Variants in NEK1 observed in about 807,000 individuals in gnomAD.
NEK1 encodes the protein serine/threonine-protein kinase Nek1.
A neutral mutation model predicts 182.1 loss-of-function variants in NEK1; 137 were observed. That is an observed-to-expected ratio of 0.75 (90% CI 0.65 to 0.87). The LOEUF (loss-of-function observed/expected upper bound fraction) is 0.87. NEK1 is among the 40% of genes least tolerant of loss of function. The pLI, the probability that NEK1 is intolerant of heterozygous loss-of-function variation, is 0.00. For synonymous variants in NEK1, 513 were observed against 492.2 expected, an observed-to-expected ratio of 1.04 and a Z score of -0.56; for missense variants, 1,391 against 1,494.4, an observed-to-expected ratio of 0.93 and a Z score of 1.14.
At chr4:169,434,296 T>C (rs1350144654) in intron 28 of NEK1, among the ~76,000 whole-genome samples, 1 of 141,842 alleles carries the variant, frequency 7.1e-6, no homozygotes, top group Non-Finnish European at 1.5e-5. Flanking sequence ...CACTACAACC[T>C]ACACCTCCCG....
chr4:169,451,314 C>T (rs56745507), intron 27 of NEK1, among the ~76,000 whole-genome samples: 14,739 of 152,198 alleles, frequency 0.097, 792 homozygotes, highest in East Asian at 0.17. Context: ...ACTCTCCACC[C>T]CAAATCAACA....
chr4:169,585,599 C>A, intron 9 of NEK1, 50 bp from the exon 10 acceptor site: 1 of 1,182,410 alleles, frequency 8.5e-7, no homozygotes, highest in East Asian at 2.4e-5. Flanking sequence ...TAAATTGAAA[C>A]TGAGAATATC....
At chr4:169,597,102 C>T (rs1333070266) in intron 5 of NEK1, among the ~76,000 whole-genome samples, 3 of 151,844 alleles carry the variant, frequency 2.0e-5, no homozygotes, top group African/African-American at 4.8e-5. Context: ...TTTTAAAGTT[C>T]GATAGGGATA....
chr4:169,537,840 A>C lies in NEK1; in HGVS notation c.1634T>G (p.Met545Arg), dbSNP rs760674667. The C allele has an allele frequency of 2.5e-6, 4 of 1,612,816 alleles. No individual in the cohort carries two copies. Among genetic ancestry groups the C allele is most frequent in the Admixed American group, 3.3e-5 (2 of 59,910 alleles). The change falls in exon 19 of 36, where the codon ATG becomes AGG. Residue 545 changes from methionine (M) to arginine (R), a missense_variant. Physicochemically the swap from Met to Arg is moderately conservative, Grantham distance 91. Around this residue, in one of 5 missense-constraint regions of NEK1, gnomAD observed 1,216 missense variants for 1,277.6 expected, o/e 0.95. Coordinates refer to ENST00000507142, the MANE Select transcript of NEK1 (RefSeq NM_001199397.3). ...TCCTTCGGCTCGAGCTTTATTCTGC[A>C]TAGCTTCCCGTTTTCGCTGCAGGAA... ...EEFLQRKREA[M>R]QNKARAEGHM...
chr4:169,482,301 T>C (rs182534375), intron 23 of NEK1, among the ~76,000 whole-genome samples: 27 of 152,216 alleles, frequency 1.8e-4, no homozygotes, highest in African/African-American at 6.5e-4. Flanking sequence ...TTCTTTTTTT[T>C]CTAAGAGATG....
chr4:169,427,066 T>C (rs11943550), intron 29 of NEK1, among the ~76,000 whole-genome samples: 15 of 152,182 alleles, frequency 9.9e-5, no homozygotes, highest in African/African-American at 3.1e-4. Context: ...AGTTAGCTTA[T>C]AGGTAAGTTT....
chr4:169,600,894 C>T (rs72692999), intron 4 of NEK1, among the ~76,000 whole-genome samples: 13,460 of 152,130 alleles, frequency 0.088, 775 homozygotes, highest in African/African-American at 0.16. Context: ...ACAGATGTTT[C>T]TATGTGAAGC....
chr4:169,402,813 A>G (rs1285059120), intron 32 of NEK1, among the ~76,000 whole-genome samples: 1 of 152,176 alleles, frequency 6.6e-6, no homozygotes, highest in East Asian at 1.9e-4. Context: ...TGAGAAACAT[A>G]CTCAGAAAAA....
chr4:169,529,493 TA>T, intron 19 of NEK1, among the ~76,000 whole-genome samples: 1 of 152,018 alleles, frequency 6.6e-6, no homozygotes, highest in African/African-American at 2.4e-5. Context: ...GAAGAAAAAA[TA>T]AAAAATCTTC....
At chr4:169,601,890 T>G (rs182746355) in intron 4 of NEK1, 118 bp downstream of exon 4, 29 of 707,766 alleles carry the variant, frequency 4.1e-5, no homozygotes, top group Non-Finnish European at 5.8e-5. Context: ...TGAATCAAGC[T>G]GATATTCATA....
At chr4:169,473,007 C>A (rs900187839) in intron 26 of NEK1, among the ~76,000 whole-genome samples, 2 of 151,558 alleles carry the variant, frequency 1.3e-5, no homozygotes, top group Non-Finnish European at 2.9e-5. Context: ...ACCTGTAATC[C>A]CAGCACTTTG....
At chr4:169,532,501 G>A (rs1046824931) in intron 19 of NEK1, among the ~76,000 whole-genome samples, 1 of 152,156 alleles carries the variant, frequency 6.6e-6, no homozygotes, top group African/African-American at 2.4e-5. Context: ...ATGTAGGTTC[G>A]TCAATTGTAA....
intron 26 of NEK1, among the ~76,000 whole-genome samples, chr4:169,464,690 A>T (rs1300758621): frequency 6.6e-6 from 1 of 152,146 alleles, no homozygotes; most frequent in Non-Finnish European, 1.5e-5. Context: ...ATTGGGGGGA[A>T]TATAAAAATA....
chr4:169,590,860 T>C, intron 5 of NEK1, 51 bp from the exon 6 acceptor site: 1 of 1,213,618 alleles, frequency 8.2e-7, no homozygotes, highest in Non-Finnish European at 1.2e-6. Flanking sequence ...ATTAAAAGAA[T>C]TCAAGAATAT....
chr4:169,554,482 G>A (rs944804242), intron 18 of NEK1: 1 of 150,386 alleles, frequency 6.6e-6, no homozygotes. Flanking sequence ...GGATATTAGT[G>A]TTAAGAAGAA....
At chr4:169,416,732 T>C (rs1734608351) in intron 31 of NEK1, among the ~76,000 whole-genome samples, 1 of 152,078 alleles carries the variant, frequency 6.6e-6, no homozygotes, top group African/African-American at 2.4e-5. Flanking sequence ...TAACGAGACC[T>C]TGTCTCTACA....
chr4:169,410,121 A>G (rs1362230136), intron 31 of NEK1, among the ~76,000 whole-genome samples: 1 of 152,134 alleles, frequency 6.6e-6, no homozygotes, highest in Non-Finnish European at 1.5e-5. Flanking sequence ...TATAGTTTTA[A>G]TATCCACAAA....
chr4:169,422,737 G>GT (rs1735700404), intron 31 of NEK1, among the ~76,000 whole-genome samples: 1 of 152,078 alleles, frequency 6.6e-6, no homozygotes, highest in African/African-American at 2.4e-5. Flanking sequence ...ATTTGCTGTG[G>GT]TTACTTCCAG....
intron 32 of NEK1, among the ~76,000 whole-genome samples, chr4:169,402,331 C>G (rs1731828592): frequency 6.6e-6 from 1 of 152,198 alleles, no homozygotes; most frequent in Non-Finnish European, 1.5e-5. Flanking sequence ...TTTCCATATA[C>G]ATGCCCATTG....
Sources: allele counts gnomAD v4.1 joint callset (sites outside exome capture counted in the v4.1 genomes callset), GRCh38; gene constraint gnomAD v4.1.1; regional missense constraint gnomAD v4.1.1; transcripts MANE v1.5; gene names NCBI Gene and HGNC (gene_info 2026-07-23, HGNC 2026-07-21).